Variants in CTNND2 observed in about 807,000 individuals in gnomAD.
The protein encoded by CTNND2 is catenin delta-2.
CTNND2 carries 22 observed loss-of-function variants against 144.4 expected under a neutral mutation model. That is an observed-to-expected ratio of 0.15 (90% CI 0.11 to 0.22). The LOEUF is 0.22. Among genes scored for constraint, CTNND2 ranks in the 10% least tolerant of loss-of-function variants. The pLI, the probability that CTNND2 is intolerant of heterozygous loss-of-function variation, is 1.00. For missense variants in CTNND2, 1,353 were observed against 1,618.8 expected (o/e 0.84, Z 2.82); for synonymous variants, 751 against 695.6 (o/e 1.08, Z -1.25).
At position 11,735,681 on chromosome 5, in the gene CTNND2, G is replaced by A. The variant is rs376954511; in HGVS notation, c.38-3409C>T. 2.0e-5 allele frequency among the ~76,000 whole-genome samples: 3 copies of A among 152,296 alleles called. No individual in the cohort carries two copies. The East Asian group carries it at 5.8e-4, about 29-fold the overall frequency. On this transcript the variant is annotated intron_variant, in intron 1 of 21. Transcript: ENST00000304623. ...TCATGATAGTGAATAAGTCTAATGA[G>A]ATCTGATGGTTTTAGGAAGGGCAGT...
intron 5 of CTNND2, among the ~76,000 whole-genome samples, chr5:11,400,037 A>C (rs1760493957): frequency 6.6e-6 from 1 of 152,236 alleles, no homozygotes; most frequent in Non-Finnish European, 1.5e-5. Flanking sequence ...TAGCTTTATT[A>C]ATATTACTGT....
chr5:11,856,605 A>C (rs1403006983), intron 1 of CTNND2, among the ~76,000 whole-genome samples: 1 of 152,166 alleles, frequency 6.6e-6, no homozygotes, highest in Non-Finnish European at 1.5e-5. Context: ...AGAGGATAGA[A>C]TATGAAAGGG....
chr5:11,510,039 C>T (rs1484437086), intron 3 of CTNND2, among the ~76,000 whole-genome samples: 3 of 152,152 alleles, frequency 2.0e-5, no homozygotes, highest in Non-Finnish European at 2.9e-5. Context: ...TCAAGCGATC[C>T]ACCCTCCTCA....
chr5:11,018,024 C>T lies in CTNND2; in HGVS notation c.3034G>A (p.Val1012Ile). 6.2e-7 allele frequency: 1 copy of T among 1,613,476 alleles called. No individual in the cohort carries two copies. Among genetic ancestry groups the T allele is most frequent in the South Asian group, 1.1e-5 (1 of 91,068 alleles). Residue 1012 changes from valine to isoleucine, a missense_variant, in exon 18 of 22, where the codon GTC (valine) becomes ATC (isoleucine). By Grantham distance (29) the Val-to-Ile change is conservative. This residue lies in a region of CTNND2 where 459 missense variants were observed against 674.3 expected (regional missense o/e 0.68). Coordinates refer to ENST00000304623, the MANE Select transcript of CTNND2 (RefSeq NM_001332.4). The part of the protein sequence containing the change: ...SPKVVKAASQ[V>I]LNSMWQYRDL... ...CGGTACTGCCACATGCTGTTGAGGA[C>T]CTGAGATGCAGCCTTGACCACTTTT...
chr5:11,046,975 G>A (rs1745329917), intron 16 of CTNND2, among the ~76,000 whole-genome samples: 1 of 152,232 alleles, frequency 6.6e-6, no homozygotes, highest in East Asian at 1.9e-4. Context: ...GAAAGCCCAT[G>A]CGTTTTCATG....
intron 2 of CTNND2, among the ~76,000 whole-genome samples, chr5:11,590,485 G>A (rs915848394): frequency 1.3e-5 from 2 of 152,056 alleles, no homozygotes; most frequent in African/African-American, 4.8e-5. Context: ...TAAGCTGGCC[G>A]CACCATGGTC....
intron 12 of CTNND2, among the ~76,000 whole-genome samples, chr5:11,158,661 A>C (rs908253723): frequency 1.4e-4 from 21 of 152,136 alleles, no homozygotes; most frequent in Admixed American, 5.9e-4. Context: ...ACTGAGGTGG[A>C]TTTTGTTCCT....
At chr5:11,865,832 G>A (rs547484941) in intron 1 of CTNND2, among the ~76,000 whole-genome samples, 2 of 144,548 alleles carry the variant, frequency 1.4e-5, no homozygotes, top group Admixed American at 7.4e-5. Context: ...CTGTTGACAC[G>A]GTCTTTGAAC....
chr5:11,284,791 G>A (rs1310031959), intron 9 of CTNND2, among the ~76,000 whole-genome samples: 1 of 152,162 alleles, frequency 6.6e-6, no homozygotes, highest in Non-Finnish European at 1.5e-5. Context: ...TAATAGGATT[G>A]CAGGGTCAAA....
At chr5:11,379,811 A>G (rs964480903) in intron 7 of CTNND2, among the ~76,000 whole-genome samples, 1 of 152,152 alleles carries the variant, frequency 6.6e-6, no homozygotes, top group African/African-American at 2.4e-5. Flanking sequence ...TAACAAGCAC[A>G]TATGACCATG....
At chr5:11,025,420 T>C (rs1232394869) in intron 16 of CTNND2, among the ~76,000 whole-genome samples, 1 of 152,162 alleles carries the variant, frequency 6.6e-6, no homozygotes, top group African/African-American at 2.4e-5. Flanking sequence ...ATTAGGGAAA[T>C]AATAAAATGT....
chr5:11,019,095 A>C (rs1452575933), intron 17 of CTNND2, among the ~76,000 whole-genome samples: 2 of 152,228 alleles, frequency 1.3e-5, no homozygotes, highest in Non-Finnish European at 2.9e-5. Context: ...ATGACTTTTA[A>C]GGAAAGAAGA....
chr5:11,015,546 TAGAC>T (rs1432532320), intron 18 of CTNND2, among the ~76,000 whole-genome samples: 3 of 152,156 alleles, frequency 2.0e-5, no homozygotes, highest in Non-Finnish European at 4.4e-5. Context: ...TTCATGGAAA[TAGAC>T]AGACAATTAT....
At chr5:11,208,460 G>T (rs1469597163) in intron 10 of CTNND2, among the ~76,000 whole-genome samples, 3 of 152,024 alleles carry the variant, frequency 2.0e-5, no homozygotes, top group Non-Finnish European at 4.4e-5. Context: ...AATATGAAAT[G>T]ACCCCAGAAT....
intron 2 of CTNND2, among the ~76,000 whole-genome samples, chr5:11,714,624 G>A (rs1194764919): frequency 6.6e-6 from 1 of 151,916 alleles, no homozygotes; most frequent in Non-Finnish European, 1.5e-5. Context: ...ATAATTCAGG[G>A]GGCCTGGCGC....
At chr5:11,116,828 T>C (rs984210752) in intron 13 of CTNND2, among the ~76,000 whole-genome samples, 2 of 152,034 alleles carry the variant, frequency 1.3e-5, no homozygotes, top group African/African-American at 4.8e-5. Context: ...GAGTCTGAGG[T>C]GGGCGGATCA....
intron 3 of CTNND2, among the ~76,000 whole-genome samples, chr5:11,488,627 T>C (rs1229205693): frequency 1.3e-5 from 2 of 152,182 alleles, no homozygotes; most frequent in African/African-American, 2.4e-5. Context: ...AACACATATA[T>C]AGATTCATGT....
intron 2 of CTNND2, among the ~76,000 whole-genome samples, chr5:11,628,643 TAA>T (rs1781272297): frequency 6.6e-6 from 1 of 152,186 alleles, no homozygotes; most frequent in South Asian, 2.1e-4. Flanking sequence ...TAAAAAATTA[TAA>T]GACTCTATGC....
intron 2 of CTNND2, among the ~76,000 whole-genome samples, chr5:11,719,462 C>T (rs577051154): frequency 2.0e-5 from 3 of 152,260 alleles, no homozygotes; most frequent in East Asian, 3.9e-4. Context: ...TGGTTCCTAA[C>T]GCTACATAAT....
Sources: allele counts gnomAD v4.1 joint callset (sites outside exome capture counted in the v4.1 genomes callset), GRCh38; gene constraint gnomAD v4.1.1; regional missense constraint gnomAD v4.1.1; transcripts MANE v1.5; gene names NCBI Gene and HGNC (gene_info 2026-07-23, HGNC 2026-07-21).